CSMD2: variants seen among roughly 807,000 people sequenced by gnomAD.
CSMD2 encodes the protein CUB and sushi domain-containing protein 2.
A neutral mutation model predicts 398.5 loss-of-function variants in CSMD2; 130 were observed. The observed-to-expected ratio is 0.33, with a 90% CI of 0.28 to 0.38. CSMD2 has a LOEUF of 0.38. Ranked by LOEUF, CSMD2 falls within the 10% of genes least tolerant of loss-of-function variation. The pLI, the probability that CSMD2 is intolerant of heterozygous loss-of-function variation, is 1.00. For synonymous variants in CSMD2, 1,828 were observed against 1,908.5 expected, an observed-to-expected ratio of 0.96 and a Z score of 1.10; for missense variants, 3,829 against 4,764.9, an observed-to-expected ratio of 0.80 and a Z score of 5.78.
At chr1:33,534,022 CT>C in intron 62 of CSMD2, 115 bp from the exon 63 acceptor site, 3 of 640,148 alleles carry the variant, frequency 4.7e-6, no homozygotes, top group East Asian at 2.8e-5. Context: ...CTGCAAAACT[CT>C]TTTTCTGATT....
At chr1:33,908,256 A>G (rs1329400611) in intron 5 of CSMD2, among the ~76,000 whole-genome samples, 2 of 152,198 alleles carry the variant, frequency 1.3e-5, no homozygotes, top group Non-Finnish European at 2.9e-5. Flanking sequence ...AGTGGAACAA[A>G]CATTCATGGC....
chr1:34,111,023 C>A (rs1382692914), intron 1 of CSMD2, among the ~76,000 whole-genome samples: 2 of 152,176 alleles, frequency 1.3e-5, no homozygotes, highest in Non-Finnish European at 2.9e-5. Flanking sequence ...CTCTGTAGCA[C>A]CCTATGTAAT....
chr1:33,954,161 G>A (rs1645091017), intron 3 of CSMD2, among the ~76,000 whole-genome samples: 1 of 152,190 alleles, frequency 6.6e-6, no homozygotes, highest in Non-Finnish European at 1.5e-5. Context: ...CCTCCCCTGA[G>A]AGTCGAAGTA....
intron 5 of CSMD2, among the ~76,000 whole-genome samples, chr1:33,887,511 T>G (rs1381991382): frequency 6.6e-6 from 1 of 152,198 alleles, no homozygotes; most frequent in Admixed American, 6.5e-5. Context: ...TAGAGAACTT[T>G]CCTCTCCAAC....
At chr1:33,841,327 T>A (rs1660828308) in intron 6 of CSMD2, among the ~76,000 whole-genome samples, 1 of 152,126 alleles carries the variant, frequency 6.6e-6, no homozygotes, top group Non-Finnish European at 1.5e-5. Flanking sequence ...AACAAGTGAG[T>A]CAAAGTGATT....
chr1:33,709,487 G>A, intron 21 of CSMD2: 1 of 533,144 alleles, frequency 1.9e-6, no homozygotes, highest in South Asian at 3.2e-5. Flanking sequence ...TGTCTCTTGT[G>A]CTGTTTGTCT....
chr1:33,953,197 T>G (rs1645061942), intron 3 of CSMD2, among the ~76,000 whole-genome samples: 1 of 152,224 alleles, frequency 6.6e-6, no homozygotes, highest in African/African-American at 2.4e-5. Flanking sequence ...TGGATGTTGT[T>G]GATCAGACCC....
At chr1:33,892,725 T>C (rs775703316) in intron 5 of CSMD2, among the ~76,000 whole-genome samples, 18 of 152,270 alleles carry the variant, frequency 1.2e-4, no homozygotes, top group Non-Finnish European at 2.1e-4. Context: ...CATTGGTTGA[T>C]GGGCACTTAG....
At chr1:34,148,338 G>C (rs746853893) in intron 1 of CSMD2, among the ~76,000 whole-genome samples, 11 of 152,098 alleles carry the variant, frequency 7.2e-5, no homozygotes, top group Admixed American at 6.6e-4. Flanking sequence ...AACCTCCACC[G>C]GCCCCTTGCC....
At chr1:33,713,575 TC>T (rs1177911024) in intron 21 of CSMD2, among the ~76,000 whole-genome samples, 1 of 152,052 alleles carries the variant, frequency 6.6e-6, no homozygotes, top group Non-Finnish European at 1.5e-5. Flanking sequence ...AATACTTGCT[TC>T]CCCTACTACC....
chr1:33,751,439 G>A (rs1246300443), intron 13 of CSMD2, among the ~76,000 whole-genome samples: 2 of 152,176 alleles, frequency 1.3e-5, no homozygotes, highest in African/African-American at 4.8e-5. Flanking sequence ...ACTCATTGGT[G>A]AGTTTTGTGA....
intron 7 of CSMD2, among the ~76,000 whole-genome samples, chr1:33,821,122 G>A (rs114645475): frequency 6.6e-5 from 10 of 152,152 alleles, no homozygotes; most frequent in Non-Finnish European, 1.0e-4. Flanking sequence ...GATACTTCTC[G>A]AGCCAGAGTA....
At chr1:33,931,139 C>T (rs562923252) in intron 4 of CSMD2, among the ~76,000 whole-genome samples, 5 of 152,218 alleles carry the variant, frequency 3.3e-5, no homozygotes, top group Non-Finnish European at 7.3e-5. Context: ...TTAGACCCAT[C>T]CAGACAGCCG....
At chr1:33,934,216 A>G (rs916457537) in intron 4 of CSMD2, among the ~76,000 whole-genome samples, 3 of 152,232 alleles carry the variant, frequency 2.0e-5, no homozygotes, top group African/African-American at 7.2e-5. Flanking sequence ...ATGACTTCTC[A>G]ACTCCTGGAA....
chr1:33,688,496 A>C (rs1156559720), intron 25 of CSMD2, among the ~76,000 whole-genome samples: 3 of 152,180 alleles, frequency 2.0e-5, no homozygotes, highest in Non-Finnish European at 2.9e-5. Context: ...TTTCATTTCG[A>C]GTTTATAAAT....
chr1:33,875,048 G>T (rs1170583518), intron 5 of CSMD2, among the ~76,000 whole-genome samples: 1 of 152,142 alleles, frequency 6.6e-6, no homozygotes. Context: ...GGCCGCCAAG[G>T]CCTGATCATC....
In CSMD2 at chr1:33,792,426, T is replaced by A. The variant is rs1474631480; in HGVS notation, c.1547A>T (p.Tyr516Phe). 2 of 1,611,842 alleles carry A rather than the reference T, an allele frequency of 1.2e-6. No individual in the cohort carries two copies. The highest frequency in any genetic ancestry group is 8.5e-7 in the Non-Finnish European group (1 of 1,178,068). The change falls in exon 11 of 71, where the codon TAC becomes TTC. Residue 516 changes from tyrosine to phenylalanine, a missense_variant. Transcript: ENST00000373381. ...CAACATGCCCCACTGCACTTACATG[T>A]AGAGAACTGTCTTCTGGTCCCCATC... ...GQDGDQKTVL[Y>F]ILTGTSVPDL...
intron 3 of CSMD2, among the ~76,000 whole-genome samples, chr1:34,000,373 G>A (rs1165274822): frequency 6.6e-6 from 1 of 152,116 alleles, no homozygotes; most frequent in Non-Finnish European, 1.5e-5. Flanking sequence ...CTCTGTCCTA[G>A]AGAGGCTGCA....
At chr1:33,865,932 G>A (rs1558025702) in intron 5 of CSMD2, among the ~76,000 whole-genome samples, 1 of 152,124 alleles carries the variant, frequency 6.6e-6, no homozygotes, top group African/African-American at 2.4e-5. Context: ...AGATTGAAAT[G>A]GAATATTTTG....
Sources: gnomAD v4.1 joint callset for allele counts (sites outside exome capture counted in the v4.1 genomes callset) on GRCh38, gnomAD v4.1.1 for gene constraint, MANE v1.5 for transcripts, NCBI Gene and HGNC (gene_info 2026-07-23, HGNC 2026-07-21) for gene names.